CLVS1: variants seen among roughly 807,000 people sequenced by gnomAD.
The protein encoded by CLVS1 is clavesin-1.
CLVS1 carries 10 observed loss-of-function variants against 33.1 expected under a neutral mutation model. The ratio of observed to expected loss-of-function variants is 0.30; its 90% confidence interval spans 0.19 to 0.51. The LOEUF (loss-of-function observed/expected upper bound fraction) is 0.51. Among genes scored for constraint, CLVS1 ranks in the 20% least tolerant of loss-of-function variants. The pLI is 0.97. For synonymous variants in CLVS1, 163 were observed against 166.1 expected, an observed-to-expected ratio of 0.98 and a Z score of 0.14; for missense variants, 343 against 433.4, an observed-to-expected ratio of 0.79 and a Z score of 1.85.
At chr8:61,493,743 T>C (rs1261108440) in intron 5 of CLVS1, among the ~76,000 whole-genome samples, 2 of 152,260 alleles carry the variant, frequency 1.3e-5, no homozygotes, top group African/African-American at 4.8e-5. Context: ...AATTCTGTGT[T>C]ATTCCATAAA....
At chr8:61,085,828 C>G (rs1211044608) in intron 1 of CLVS1, among the ~76,000 whole-genome samples, 2 of 151,406 alleles carry the variant, frequency 1.3e-5, no homozygotes, top group Admixed American at 6.6e-5. Flanking sequence ...TTGAGACCAT[C>G]CTGGCTAACA....
intron 2 of CLVS1, among the ~76,000 whole-genome samples, chr8:61,195,254 A>T (rs1807579199): frequency 6.6e-6 from 1 of 151,952 alleles, no homozygotes; most frequent in South Asian, 2.1e-4. Flanking sequence ...GATAAAATTG[A>T]CAAACCTCTG....
chr8:61,040,647 G>A, the CLVS1 span, among the ~76,000 whole-genome samples: 1 of 152,314 alleles, frequency 6.6e-6, no homozygotes, highest in Admixed American at 6.5e-5. Flanking sequence ...CTTTTGAGAA[G>A]TGTTGGTTCA....
chr8:61,201,969 C>T lies in CLVS1; in HGVS notation c.-152+70109C>T, dbSNP rs573778229. On this transcript the variant is annotated intron_variant, in intron 2 of 2. Coordinates refer to the CLVS1 transcript ENST00000522621. Reference sequence around the variant, plus strand: ...CCCTACTGCTGTGTCTGGTTTCCATCGGCTGGAATGGGATCTAACATTCTG... The same window carrying T: ...CCCTACTGCTGTGTCTGGTTTCCATTGGCTGGAATGGGATCTAACATTCTG... Among the ~76,000 whole-genome samples the T allele has an allele frequency of 1.5e-3, 222 of 152,270 alleles. 1 individual carries two copies. Among genetic ancestry groups the T allele is most frequent in the Non-Finnish European group, 2.3e-3 (157 of 68,036 alleles).
chr8:61,281,530 A>AAT (rs1314496624), intron 2 of CLVS1, among the ~76,000 whole-genome samples: 2 of 152,198 alleles, frequency 1.3e-5, no homozygotes, highest in African/African-American at 4.8e-5. Flanking sequence ...ATTAGAAACC[A>AAT]ATCCTGCTGG....
chr8:61,032,476 G>A, the CLVS1 span, among the ~76,000 whole-genome samples: 7 of 152,172 alleles, frequency 4.6e-5, no homozygotes, highest in African/African-American at 1.4e-4. Flanking sequence ...TCCTATGTGA[G>A]TAATGCATGT....
At chr8:61,305,864 C>T (rs1290357749) in intron 2 of CLVS1, among the ~76,000 whole-genome samples, 6 of 152,178 alleles carry the variant, frequency 3.9e-5, no homozygotes. Context: ...CAGCTCCATC[C>T]ATGTCCCTGC....
chr8:61,417,531 G>A (rs1815485504), intron 3 of CLVS1, among the ~76,000 whole-genome samples: 1 of 152,154 alleles, frequency 6.6e-6, no homozygotes, highest in Admixed American at 6.5e-5. Context: ...TTTGACCACT[G>A]TGGGATGTCA....
At chr8:61,381,409 T>C (rs1171961350) in intron 3 of CLVS1, among the ~76,000 whole-genome samples, 2 of 152,232 alleles carry the variant, frequency 1.3e-5, no homozygotes, top group East Asian at 3.8e-4. Context: ...AATTATTTTT[T>C]TGTGTTACGA....
At chr8:61,354,175 A>G (rs1329585785) in intron 2 of CLVS1, among the ~76,000 whole-genome samples, 1 of 152,082 alleles carries the variant, frequency 6.6e-6, no homozygotes, top group East Asian at 1.9e-4. Context: ...AGAATTAACA[A>G]CAAGCTTGCA....
chr8:61,330,640 C>A (rs1180240298), intron 2 of CLVS1, among the ~76,000 whole-genome samples: 1 of 152,182 alleles, frequency 6.6e-6, no homozygotes, highest in Non-Finnish European at 1.5e-5. Flanking sequence ...CCAAATCCAC[C>A]AGCCCTGCTG....
chr8:61,320,842 G>A (rs1252583278), intron 2 of CLVS1, among the ~76,000 whole-genome samples: 5 of 152,028 alleles, frequency 3.3e-5, no homozygotes, highest in Non-Finnish European at 7.4e-5. Flanking sequence ...TGGGGGTTGG[G>A]GAACACAAAC....
rs2129592014 is a variant in CLVS1, at chr8:61,257,411, A to G, written c.-151-42266A>G. 1.3e-5 allele frequency among the ~76,000 whole-genome samples: 2 copies of G among 152,338 alleles called. 1 individual carries two copies. The highest frequency in any genetic ancestry group is 4.1e-4 in the South Asian group (2 of 4,832). ...TAAATATGTTTTAACTCAAGACCAG[A>G]AACACTTAAATTATATATGATTCAA... is the stretch of plus-strand genomic sequence containing the variant. On this transcript the variant is annotated intron_variant, in intron 2 of 2. Transcript: ENST00000522621.
At chr8:61,115,450 A>T (rs1431505249) in intron 1 of CLVS1, among the ~76,000 whole-genome samples, 5 of 151,722 alleles carry the variant, frequency 3.3e-5, no homozygotes, top group East Asian at 1.9e-4. Flanking sequence ...TATGTATACA[A>T]GTGCCATGCT....
chr8:61,043,244 C>G, the CLVS1 span, among the ~76,000 whole-genome samples: 22 of 152,160 alleles, frequency 1.4e-4, no homozygotes, highest in Non-Finnish European at 1.5e-5. Context: ...TCTTCCTGAC[C>G]TTGGAGTAAA....
At chr8:61,034,232 CATTTATTT>C in the CLVS1 span, among the ~76,000 whole-genome samples, 4 of 152,054 alleles carry the variant, frequency 2.6e-5, no homozygotes, top group Non-Finnish European at 5.9e-5. Context: ...TATTTCATTT[CATTTATTT>C]ATTTATTTAT....
At chr8:61,404,324 G>T (rs1363933897) in intron 3 of CLVS1, among the ~76,000 whole-genome samples, 1 of 152,118 alleles carries the variant, frequency 6.6e-6, no homozygotes, top group Non-Finnish European at 1.5e-5. Context: ...TGAGGGCAAA[G>T]ACCTTATATT....
At chr8:61,178,306 A>G (rs980391367) in intron 2 of CLVS1, among the ~76,000 whole-genome samples, 1 of 152,216 alleles carries the variant, frequency 6.6e-6, no homozygotes, top group African/African-American at 2.4e-5. Context: ...GAAAAAGAAT[A>G]AAAATGAATG....
intron 2 of CLVS1, among the ~76,000 whole-genome samples, chr8:61,149,574 A>G (rs11776229): frequency 6.7e-6 from 1 of 149,440 alleles, no homozygotes; most frequent in African/African-American, 2.5e-5. Context: ...AAAAACAAAA[A>G]ACAAAACAAA....
Sources: gnomAD v4.1 joint callset for allele counts (sites outside exome capture counted in the v4.1 genomes callset) on GRCh38, gnomAD v4.1.1 for gene constraint, MANE v1.5 for transcripts, NCBI Gene and HGNC (gene_info 2026-07-23, HGNC 2026-07-21) for gene names.